MRPL19: variants seen among roughly 807,000 people sequenced by gnomAD.
MRPL19 encodes the protein mitochondrial ribosomal protein L19, also known as large ribosomal subunit protein bL19m.
In MRPL19, 31 loss-of-function variants were observed where a neutral mutation model predicts 34.0. The observed-to-expected ratio is 0.91, with a 90% CI of 0.68 to 1.23. MRPL19 has a LOEUF of 1.23. Among genes scored for constraint, MRPL19 ranks in the 50% most tolerant of loss-of-function variants. The pLI, the probability that MRPL19 is intolerant of heterozygous loss-of-function variation, is 0.00. For missense variants in MRPL19, 384 were observed against 367.6 expected (o/e 1.04, Z -0.37); for synonymous variants, 152 against 127.7 (o/e 1.19, Z -1.28).
Position 75,655,044 on chromosome 2 carries a change from T to C in MRPL19, c.658-20T>C, listed in dbSNP as rs1448317072. 3 of 1,463,530 alleles carry C rather than the reference T, an allele frequency of 2.0e-6. No individual in the cohort carries two copies. Among genetic ancestry groups the C allele is most frequent in the East Asian group, 4.9e-5 (2 of 40,624 alleles). 90.7% of individuals were successfully genotyped at this position (1,463,530 alleles called of 1,614,324 possible). On this transcript the variant is annotated intron_variant, in intron 5 of 5. Coordinates refer to ENST00000393909, the MANE Select transcript of MRPL19 (RefSeq NM_014763.4). ...CCTAATTATTGCTTTTTTTTTTTTT[T>C]TTTTTTTAATCTTCCTTAGCTGAAA... is the stretch of plus-strand genomic sequence containing the variant.
In MRPL19 at chr2:75,646,858, G is replaced by C; in HGVS notation, c.51G>C (p.Arg17=). 6.3e-7 allele frequency: 1 copy of C among 1,597,648 alleles called. No homozygotes were observed. Among genetic ancestry groups the C allele is most frequent in the African/African-American group, 1.3e-5 (1 of 74,836 alleles). The part of the protein sequence containing the change: ...AGHWAAMGLG[R]SFQAARTLLP... The stretch of plus-strand genomic sequence containing the variant: ...ACTGGGCTGCAATGGGCCTAGGCCG[G>C]AGTTTCCAAGCCGCCAGGACTCTGC... Residue 17 remains arginine, a synonymous_variant, in exon 1 of 6, where the codon CGG becomes CGC. Coordinates refer to ENST00000393909, the MANE Select transcript of MRPL19 (RefSeq NM_014763.4).
At chr2:75,650,249 A>G (rs901159668) in intron 2 of MRPL19, among the ~76,000 whole-genome samples, 2 of 152,008 alleles carry the variant, frequency 1.3e-5, no homozygotes, top group African/African-American at 4.8e-5. Flanking sequence ...TGTAGATTAA[A>G]TATTTCATAA....
Position 75,647,132 on chromosome 2 carries a change from G to A in MRPL19, c.134G>A (p.Ser45Asn). 2 of 1,584,858 alleles carry A rather than the reference G, an allele frequency of 1.3e-6. No individual in the cohort carries two copies. Among genetic ancestry groups the A allele is most frequent in the Middle Eastern group, 1.7e-4 (1 of 6,014 alleles). The change falls in exon 2 of 6, where the codon AGC becomes AAC. Residue 45 changes from serine (S) to asparagine (N), a missense_variant. Transcript: ENST00000393909. ...RVHAGPVRQQ[S>N]TGPSEPGAFQ... ...CACGCGGGGCCTGTCCGGCAGCAGA[G>A]CACTGGGCCTTCCGAGCCCGGTGCG... is the stretch of plus-strand genomic sequence containing the variant.
In MRPL19 at chr2:75,658,576, TC is replaced by T. The variant is rs1400684598; in HGVS notation, c.*3295del. On this transcript the variant is annotated 3_prime_UTR_variant, in exon 6 of 6. Coordinates refer to ENST00000393909, the MANE Select transcript of MRPL19 (RefSeq NM_014763.4). ...ATTTCTCTTGTGATTTCTTCTTCGA[TC>T]CCCTGGTTGAGTGTGTTAATTTCTA... Among the ~76,000 whole-genome samples, 1 of 152,164 alleles carries T rather than the reference TC, an allele frequency of 6.6e-6. No individual in the cohort carries two copies. The highest frequency in any genetic ancestry group is 1.5e-5 in the Non-Finnish European group (1 of 68,008).
Position 75,655,956 on chromosome 2 carries a change from C to G in MRPL19, c.*671C>G, listed in dbSNP as rs1463990691. 1 of 151,862 alleles carries G rather than the reference C, an allele frequency of 6.6e-6. No homozygotes were observed. The highest frequency in any genetic ancestry group is 2.1e-4 in the South Asian group (1 of 4,824). The allele number at this position is 151,862 out of a possible 1,614,324, so 9.4% of individuals were successfully genotyped here. A position where few individuals can be genotyped will look rare whatever the true frequency, so the allele number is the denominator to read the frequency against. ...CATGAAGGCTTCAAGGGAAACGTTA[C>G]AGTCTTTGGGTCATAGTCTGGCTTC... On this transcript the variant is annotated 3_prime_UTR_variant, in exon 6 of 6. Coordinates refer to ENST00000393909, the MANE Select transcript of MRPL19 (RefSeq NM_014763.4).
chr2:75,657,745 A>G lies in MRPL19; in HGVS notation c.*2460A>G, dbSNP rs1678494922. The G allele has an allele frequency of 6.6e-6, 1 of 152,124 alleles. No homozygotes were observed. Among genetic ancestry groups the G allele is most frequent in the Non-Finnish European group, 1.5e-5 (1 of 68,004 alleles). 9.4% of individuals were successfully genotyped at this position (152,124 alleles called of 1,614,324 possible). A position where few individuals can be genotyped will look rare whatever the true frequency, so the allele number is the denominator to read the frequency against. On this transcript the variant is annotated 3_prime_UTR_variant, in exon 6 of 6. Coordinates refer to ENST00000393909, the MANE Select transcript of MRPL19 (RefSeq NM_014763.4). ...CTTGTAAGTACAGGTGCTCAAAAAC[A>G]TGTAAACAATCATGCTTTTTACTCT...
chr2:75,650,633 C>T (rs902656707), intron 2 of MRPL19, among the ~76,000 whole-genome samples: 1 of 152,164 alleles, frequency 6.6e-6, no homozygotes, highest in Non-Finnish European at 1.5e-5. Context: ...CAGACTAGGA[C>T]CCAGCAGTTG....
intron 3 of MRPL19, 27 bp from the exon 4 acceptor site, chr2:75,652,496 A>T: frequency 6.2e-7 from 1 of 1,602,300 alleles, no homozygotes; most frequent in South Asian, 1.1e-5. Context: ...GCTGAAAAAA[A>T]AGTTCACTTC....
At chr2:75,652,880 C>A (rs191095881) in intron 4 of MRPL19, among the ~76,000 whole-genome samples, 5 of 152,306 alleles carry the variant, frequency 3.3e-5, no homozygotes, top group Admixed American at 2.6e-4. Flanking sequence ...ATTGGAACAA[C>A]AGTCATTAGA....
chr2:75,649,221 A>G (rs1037133760), intron 2 of MRPL19, among the ~76,000 whole-genome samples: 5 of 152,210 alleles, frequency 3.3e-5, no homozygotes, highest in African/African-American at 1.2e-4. Flanking sequence ...TAATGACCAA[A>G]TATGTGTGAA....
intron 3 of MRPL19, 45 bp from the exon 4 acceptor site, chr2:75,652,477 GC>G: frequency 6.3e-7 from 1 of 1,595,682 alleles, no homozygotes; most frequent in South Asian, 1.1e-5. Context: ...TTACTTCTCA[GC>G]TGGGTGTGCT....
rs1481768793 is a variant in MRPL19 at position 75,659,041 on chromosome 2, C to T, written c.*3756C>T. Among the ~76,000 whole-genome samples the T allele has an allele frequency of 6.6e-6, 1 of 152,080 alleles. No individual in the cohort carries two copies. Among genetic ancestry groups the T allele is most frequent in the African/African-American group, 2.4e-5 (1 of 41,438 alleles). On this transcript the variant is annotated 3_prime_UTR_variant, in exon 6 of 6. Coordinates refer to ENST00000393909, the MANE Select transcript of MRPL19 (RefSeq NM_014763.4). ...AAAGTAATTAAGGAAGGACTTTCTT[C>T]TACCATTTAACACTTCTTCTATATG...
intron 4 of MRPL19, among the ~76,000 whole-genome samples, chr2:75,653,175 C>G (rs761119815): frequency 2.6e-5 from 4 of 152,158 alleles, no homozygotes; most frequent in Non-Finnish European, 5.9e-5. Flanking sequence ...AAAACTCTAG[C>G]AAGATTATTA....
At chr2:75,649,166 T>C (rs1040960724) in intron 2 of MRPL19, among the ~76,000 whole-genome samples, 4 of 152,208 alleles carry the variant, frequency 2.6e-5, no homozygotes, top group Non-Finnish European at 5.9e-5. Flanking sequence ...AAAAAGTTAA[T>C]GTTATAAAAA....
At position 75,647,088 on chromosome 2, in the gene MRPL19, G is replaced by T; in HGVS notation, c.104-14G>T. The stretch of plus-strand genomic sequence containing the variant: ...TGGCACGAGAGTTCTGACCTCCGTC[G>T]TCCGCTCCCGCAGGGGTCCACGCGG... On this transcript the variant is annotated splice_polypyrimidine_tract_variant and intron_variant, in intron 1 of 5. Coordinates refer to ENST00000393909, the MANE Select transcript of MRPL19 (RefSeq NM_014763.4). 1 of 1,572,192 alleles carries T rather than the reference G, an allele frequency of 6.4e-7. No individual in the cohort carries two copies. Among genetic ancestry groups the T allele is most frequent in the Non-Finnish European group, 8.6e-7 (1 of 1,157,118 alleles).
chr2:75,647,360 CCA>C, intron 2 of MRPL19, 141 bp downstream of exon 2: 1 of 720,282 alleles, frequency 1.4e-6, no homozygotes, highest in Non-Finnish European at 2.2e-6. Flanking sequence ...AGCCAGCGCA[CCA>C]CACTGTTCTT....
intron 2 of MRPL19, among the ~76,000 whole-genome samples, chr2:75,648,582 G>A (rs140943663): frequency 8.7e-4 from 133 of 152,194 alleles, no homozygotes; most frequent in Non-Finnish European, 1.3e-3. Flanking sequence ...ACTATAGGCC[G>A]GGTGCGGTGG....
rs776764961 is a variant in MRPL19, at chr2:75,659,315, T to A, written c.*4030T>A. Among the ~76,000 whole-genome samples, 1 of 152,178 alleles carries A rather than the reference T, an allele frequency of 6.6e-6. No individual in the cohort carries two copies. Among genetic ancestry groups the A allele is most frequent in the Non-Finnish European group, 1.5e-5 (1 of 68,010 alleles). On this transcript the variant is annotated 3_prime_UTR_variant, in exon 6 of 6. Coordinates refer to ENST00000393909, the MANE Select transcript of MRPL19 (RefSeq NM_014763.4). ...AGCTCTGCCCCTGCCCCCCTTATGT[T>A]ATTGATGGCACAAATTGCCTAATAA... is the stretch of plus-strand genomic sequence containing the variant.
At position 75,657,057 on chromosome 2, in the gene MRPL19, C is replaced by G. The variant is rs1573030147; in HGVS notation, c.*1772C>G. The G allele has an allele frequency of 6.6e-6, 1 of 152,044 alleles. No homozygotes were observed. The highest frequency in any genetic ancestry group is 2.4e-5 in the African/African-American group (1 of 41,380). The allele number at this position is 152,044 out of a possible 1,614,324, so 9.4% of individuals were successfully genotyped here. The stretch of plus-strand genomic sequence containing the variant: ...AAGCCTTTATCTATGGATTTGTTCA[C>G]AGATAAGGGGTATTCAATATAGTGT... On this transcript the variant is annotated 3_prime_UTR_variant, in exon 6 of 6. Coordinates refer to ENST00000393909, the MANE Select transcript of MRPL19 (RefSeq NM_014763.4).
Sources: allele counts gnomAD v4.1 joint callset (sites outside exome capture counted in the v4.1 genomes callset), GRCh38; gene constraint gnomAD v4.1.1; transcripts MANE v1.5; gene names NCBI Gene and HGNC (gene_info 2026-07-23, HGNC 2026-07-21).